The following OXNAD1 variants were observed in gnomAD, a reference collection of about 807,000 sequenced individuals.
OXNAD1 encodes oxidoreductase NAD binding domain containing 1.
In OXNAD1, 34 loss-of-function variants were observed where a neutral mutation model predicts 32.9. The observed-to-expected ratio is 1.03, with a 90% confidence interval of 0.79 to 1.38. The LOEUF (loss-of-function observed/expected upper bound fraction) is 1.38, where lower values mean the gene tolerates loss of function less well. OXNAD1 is among the 40% of genes most tolerant of loss of function. The probability of loss-of-function intolerance (pLI) is 0.00; values close to 1 mark genes in which losing one functional copy is unlikely to be tolerated. For synonymous variants in OXNAD1, 134 were observed against 135.2 expected, an observed-to-expected ratio of 0.99 and a Z score of 0.06; for missense variants, 407 against 379.4, an observed-to-expected ratio of 1.07 and a Z score of -0.60.
intron 9 of OXNAD1, among the ~76,000 whole-genome samples, chr3:16,324,427 G>A (rs917271971): frequency 3.3e-5 from 5 of 151,962 alleles, no homozygotes; most frequent in East Asian, 1.9e-4. Flanking sequence ...AACATCTCTC[G>A]TTTGCCCATC....
rs972959468 is a variant in OXNAD1, at chr3:16,314,896, C to G, written c.*30+11304C>G. ...AAATCATGATCCTTTAAGATATGTG[C>G]CAAGAGATAATGTTTTTATTAAATC... On this transcript the variant is annotated intron_variant, in intron 9 of 9. Coordinates refer to the OXNAD1 transcript ENST00000435829. This position sits in a 1 kb window ranked among gnomAD's most constrained non-coding sequence, Gnocchi z 4.4. 2.0e-5 allele frequency: 3 copies of G among 152,032 alleles called. No homozygotes were observed. Among genetic ancestry groups the G allele is most frequent in the African/African-American group, 7.3e-5 (3 of 41,362 alleles). The allele number at this position is 152,032 out of a possible 1,614,324, so 9.4% of individuals were successfully genotyped here.
intron 9 of OXNAD1, chr3:16,323,385 C>T: frequency 1.2e-6 from 2 of 1,608,426 alleles, no homozygotes; most frequent in South Asian, 2.2e-5. Context: ...CCTTCGATTC[C>T]TTCTTCTTGA....
chr3:16,328,115 A>T (rs966072657), intron 9 of OXNAD1, among the ~76,000 whole-genome samples: 55 of 152,246 alleles, frequency 3.6e-4, no homozygotes, highest in Non-Finnish European at 1.2e-4. Flanking sequence ...ACAGGCTAGC[A>T]GGGGCAACAG....
rs958267423 is a variant in OXNAD1, at chr3:16,335,166, G to A, written c.*31-1946G>A. 6.6e-6 allele frequency among the ~76,000 whole-genome samples: 1 copy of A among 152,226 alleles called. No homozygotes were observed. Among genetic ancestry groups the A allele is most frequent in the Admixed American group, 6.5e-5 (1 of 15,286 alleles). ...TCTGTGATTTGTTGCCGCAGCAACA[G>A]GAAATTAATCCACAGCTCAGGGCCA... On this transcript the variant is annotated intron_variant, in intron 9 of 9. Transcript: ENST00000435829. This position sits in a 1 kb window ranked among gnomAD's most constrained non-coding sequence, Gnocchi z 4.7.
In OXNAD1 at chr3:16,312,743, A is replaced by G. The variant is rs574711304; in HGVS notation, c.*30+9151A>G. On this transcript the variant is annotated intron_variant, in intron 9 of 9. Transcript: ENST00000435829. The surrounding 1 kb of genome is among the most constrained non-coding windows in gnomAD (Gnocchi z 4.7). The stretch of plus-strand genomic sequence containing the variant: ...TGATGAATATGTTTAGAGTACTGAT[A>G]AAATGTGCTTCATAAGAAATAAATT... Among the ~76,000 whole-genome samples the G allele has an allele frequency of 6.6e-5, 10 of 152,356 alleles. No individual in the cohort carries two copies. The highest frequency in any genetic ancestry group is 4.6e-4 in the Admixed American group (7 of 15,306).
chr3:16,313,205 ATTT>A (rs750491540), intron 9 of OXNAD1, among the ~76,000 whole-genome samples: 11 of 103,800 alleles, frequency 1.1e-4, no homozygotes, highest in South Asian at 3.0e-4. Flanking sequence ...CACCCAGCGG[ATTT>A]TTTTTTTTTT....
At chr3:16,291,543 T>C (rs2066428886) in intron 5 of OXNAD1, among the ~76,000 whole-genome samples, 1 of 152,248 alleles carries the variant, frequency 6.6e-6, no homozygotes. Context: ...TTGGCTTCTT[T>C]CACTTAACAT....
Position 16,335,846 on chromosome 3 carries a change from C to T in OXNAD1, c.*31-1266C>T, listed in dbSNP as rs1449440452. Among the ~76,000 whole-genome samples, 1 of 151,700 alleles carries T rather than the reference C, an allele frequency of 6.6e-6. No homozygotes were observed. The highest frequency in any genetic ancestry group is 1.5e-5 in the Non-Finnish European group (1 of 67,998). ...CTCAAGAGGGCAAGTCACAAGGAGC[C>T]TGGAAACTGGATGGATGGATGGTGA... On this transcript the variant is annotated intron_variant, in intron 9 of 9. Coordinates refer to the OXNAD1 transcript ENST00000435829. This position sits in a 1 kb window ranked among gnomAD's most constrained non-coding sequence, Gnocchi z 4.7.
Position 16,302,639 on chromosome 3 carries a change from G to A in OXNAD1, c.676-1G>A, listed in dbSNP as rs1559770129. The stretch of plus-strand genomic sequence containing the variant: ...GTGACCAAATATGTTTGACATTCCA[G>A]AAAAATATCCTTGATTTAGTAAATG... On this transcript the variant is annotated splice_acceptor_variant, in intron 7 of 8. Transcript: ENST00000285083. LOFTEE classifies it high-confidence loss of function. This position sits in a 1 kb window ranked among gnomAD's most constrained non-coding sequence, Gnocchi z 4.2. 1.2e-6 allele frequency: 2 copies of A among 1,604,294 alleles called. No individual in the cohort carries two copies. The highest frequency in any genetic ancestry group is 1.7e-6 in the Non-Finnish European group (2 of 1,172,622).
At chr3:16,349,087 C>G (rs1225932942) in intron 9 of OXNAD1, 1 of 152,222 alleles carries the variant, frequency 6.6e-6, no homozygotes, top group Non-Finnish European at 1.5e-5. Flanking sequence ...TAAATGTAAT[C>G]TCTTCCCCAT....
In OXNAD1 at chr3:16,344,230, TCC is replaced by T. The variant is rs1307063209; in HGVS notation, c.*31-4945_*31-4944del. Among the ~76,000 whole-genome samples the T allele has an allele frequency of 1.3e-5, 2 of 152,178 alleles. No individual in the cohort carries two copies. Among genetic ancestry groups the T allele is most frequent in the Admixed American group, 1.3e-4 (2 of 15,280 alleles). ...TTACATTTTATTGGGCTGGTTTTTGTCCAACATTCATATACTAAGAAGTAACA... is the reference window on the plus strand; with the variant it reads ...TTACATTTTATTGGGCTGGTTTTTGTAACATTCATATACTAAGAAGTAACA... On this transcript the variant is annotated intron_variant, in intron 9 of 9. Coordinates refer to the OXNAD1 transcript ENST00000606098. The surrounding 1 kb of genome is among the most constrained non-coding windows in gnomAD (Gnocchi z 4.4).
rs1200387880 is a variant in OXNAD1, at chr3:16,317,116, GTCT to G, written c.*30+13528_*30+13530del. On this transcript the variant is annotated intron_variant, in intron 9 of 9. Transcript: ENST00000435829. The surrounding 1 kb of genome is among the most constrained non-coding windows in gnomAD (Gnocchi z 4.3). ...CCATGTCTCCAGCTTTGGAAGACTG[GTCT>G]TCTAAGTTCTTCTCATTTTCTTCTG... The G allele has an allele frequency of 1.2e-6, 2 of 1,613,760 alleles. No individual in the cohort carries two copies. Among genetic ancestry groups the G allele is most frequent in the African/African-American group, 2.7e-5 (2 of 74,806 alleles).
chr3:16,320,455 A>G lies in OXNAD1; in HGVS notation c.*31-16657A>G, dbSNP rs971283060. On this transcript the variant is annotated intron_variant, in intron 9 of 9. Transcript: ENST00000435829. The surrounding 1 kb of genome is among the most constrained non-coding windows in gnomAD (Gnocchi z 4.5). ...TGATTACTCATTCATTGATTCGACAAGTATCTGTTGAGCACCAACTAAAAT... is the reference window on the plus strand; with the variant it reads ...TGATTACTCATTCATTGATTCGACAGGTATCTGTTGAGCACCAACTAAAAT... Among the ~76,000 whole-genome samples, 6 of 152,254 alleles carry G rather than the reference A, an allele frequency of 3.9e-5. No individual in the cohort carries two copies. The highest frequency in any genetic ancestry group is 8.8e-5 in the Non-Finnish European group (6 of 68,044).
At position 16,344,090 on chromosome 3, in the gene OXNAD1, T is replaced by A. The variant is rs933161272; in HGVS notation, c.*31-5086T>A. 2.0e-5 allele frequency among the ~76,000 whole-genome samples: 3 copies of A among 152,236 alleles called. No individual in the cohort carries two copies. The highest frequency in any genetic ancestry group is 7.2e-5 in the African/African-American group (3 of 41,464). On this transcript the variant is annotated intron_variant, in intron 9 of 9. Coordinates refer to the OXNAD1 transcript ENST00000606098. The surrounding 1 kb of genome is among the most constrained non-coding windows in gnomAD (Gnocchi z 4.4). ...TGGAGGGAAGCAGTAGAGACATTCT[T>A]GGCCTGTATTAACTCTTTTTCATTG...
At chr3:16,339,748 A>G (rs2071184891), downstream of OXNAD1, 1 of 152,228 alleles carries the variant, frequency 6.6e-6, no homozygotes, top group African/African-American at 2.4e-5. Context: ...CTGCCCCTGC[A>G]CTAGAACACA....
rs2070773588 is a variant in OXNAD1 at position 16,335,675 on chromosome 3, G to T, written c.*31-1437G>T. 6.6e-6 allele frequency among the ~76,000 whole-genome samples: 1 copy of T among 151,928 alleles called. No individual in the cohort carries two copies. Among genetic ancestry groups the T allele is most frequent in the Non-Finnish European group, 1.5e-5 (1 of 67,986 alleles). On this transcript the variant is annotated intron_variant, in intron 9 of 9. Coordinates refer to the OXNAD1 transcript ENST00000435829. This position sits in a 1 kb window ranked among gnomAD's most constrained non-coding sequence, Gnocchi z 4.7. ...AGGAAAAATAGCTAATGGATGCTGG[G>T]CTTCATACCTAGGTGATAGCCTGAT...
intron 1 of OXNAD1, among the ~76,000 whole-genome samples, chr3:16,268,742 A>G (rs899122646): frequency 6.6e-6 from 1 of 152,216 alleles, no homozygotes. Context: ...TTATTTTAGC[A>G]ATAGTTGTCT....
chr3:16,298,121 C>T lies in OXNAD1; in HGVS notation c.432+3124C>T, dbSNP rs1294770370. Among the ~76,000 whole-genome samples the T allele has an allele frequency of 6.6e-6, 1 of 152,154 alleles. No homozygotes were observed. Among genetic ancestry groups the T allele is most frequent in the Non-Finnish European group, 1.5e-5 (1 of 68,046 alleles). ...AAATGTATCCTGTCACATTTTTACC[C>T]TGCAACCTTCTGAGTCTCTCCGTCA... On this transcript the variant is annotated intron_variant, in intron 6 of 8. Transcript: ENST00000285083. The surrounding 1 kb of genome is among the most constrained non-coding windows in gnomAD (Gnocchi z 5.1).
chr3:16,271,805 A>T lies in OXNAD1; in HGVS notation c.183+83A>T. 8.4e-7 allele frequency: 1 copy of T among 1,188,848 alleles called. No individual in the cohort carries two copies. Among genetic ancestry groups the T allele is most frequent in the Non-Finnish European group, 1.2e-6 (1 of 834,596 alleles). The allele number at this position is 1,188,848 out of a possible 1,614,324, so 73.6% of individuals were successfully genotyped here. A position where few individuals can be genotyped will look rare whatever the true frequency, so the allele number is the denominator to read the frequency against. ...GACTGGCTTATGGGTAAAGCATTAG[A>T]TGAGTCTGGTCCTTTTGAAGGAGAG... On this transcript the variant is annotated intron_variant, in intron 4 of 8. Coordinates refer to ENST00000285083, the MANE Select transcript of OXNAD1 (RefSeq NM_138381.5). This position sits in a 1 kb window ranked among gnomAD's most constrained non-coding sequence, Gnocchi z 4.6.
Sources: allele counts gnomAD v4.1 joint callset (sites outside exome capture counted in the v4.1 genomes callset), GRCh38; gene constraint gnomAD v4.1.1; non-coding constraint Gnocchi (gnomAD v3.1); transcripts MANE v1.5; gene names NCBI Gene and HGNC (gene_info 2026-07-23, HGNC 2026-07-21).